HCFC1: variants seen among roughly 807,000 people sequenced by gnomAD.
HCFC1 encodes the protein host cell factor C1.
In HCFC1, 7 loss-of-function variants were observed where a neutral mutation model predicts 105.5. That is an observed-to-expected ratio of 0.07 (90% CI 0.04 to 0.12). HCFC1 has a LOEUF of 0.12. Ranked by LOEUF, HCFC1 falls within the 10% of genes least tolerant of loss-of-function variation. The probability of loss-of-function intolerance (pLI) is 1.00; values close to 1 mark genes in which losing one functional copy is unlikely to be tolerated. For synonymous variants in HCFC1, 918 were observed against 828.1 expected (o/e 1.11, Z -1.86); for missense variants, 1,065 against 1,823.6 (o/e 0.58, Z 7.58).
At chrX:153,961,010 C>T (rs782624102) in intron 6 of HCFC1, among the ~76,000 whole-genome samples, 9 of 112,283 alleles carry the variant, frequency 8.0e-5, no homozygotes, top group Non-Finnish European at 1.7e-4. Flanking sequence ...CACTTGCACA[C>T]GGGTGGAGAT....
Position 153,958,022 on chromosome X carries a change from C to A in HCFC1, c.2028+3G>T. 1 of 1,204,741 alleles carries A rather than the reference C, an allele frequency of 8.3e-7. No homozygotes were observed. Among genetic ancestry groups the A allele is most frequent in the Non-Finnish European group, 1.1e-6 (1 of 889,081 alleles). On this transcript the variant is annotated splice_donor_region_variant and intron_variant, in intron 11 of 25. Transcript: ENST00000310441. ...CCGTAGCCTGGCAGCACCCATCACT[C>A]ACCAGAGCACTGCCTCCTGGGACAG...
At chrX:153,965,937 A>C (rs1371397648) in intron 1 of HCFC1, among the ~76,000 whole-genome samples, 1 of 112,260 alleles carries the variant, frequency 8.9e-6, no homozygotes, top group African/African-American at 3.2e-5. Context: ...GGTCCCACCC[A>C]GTCTCACACT....
chrX:153,949,526 G>T lies in HCFC1; in HGVS notation c.6068+27C>A, dbSNP rs1261571947. On this transcript the variant is annotated intron_variant, in intron 25 of 25. Coordinates refer to ENST00000310441, the MANE Select transcript of HCFC1 (RefSeq NM_005334.3). ...GCTATTTCCACCCCTAGTCTCAGAAGGTTCCCGAGAGGGGCTTCCTGCTTA... is the reference window on the plus strand; with the variant it reads ...GCTATTTCCACCCCTAGTCTCAGAATGTTCCCGAGAGGGGCTTCCTGCTTA... 4.2e-6 allele frequency: 5 copies of T among 1,201,142 alleles called. No homozygotes were observed. In the South Asian group the frequency reaches 7.0e-5, roughly 17 times the overall value.
chrX:153,967,226 T>C (rs1408201719), intron 1 of HCFC1, among the ~76,000 whole-genome samples: 3 of 112,094 alleles, frequency 2.7e-5, no homozygotes, highest in Non-Finnish European at 5.6e-5. Context: ...GGGGGTGTCA[T>C]GTAACCCAAT....
In HCFC1 at chrX:153,970,914, C is replaced by G. The variant is rs1557119979; in HGVS notation, c.-74G>C. 4 of 904,776 alleles carry G rather than the reference C, an allele frequency of 4.4e-6. No homozygotes were observed. Among genetic ancestry groups the G allele is most frequent in the Non-Finnish European group, 6.0e-6 (4 of 665,473 alleles). 74.6% of individuals were successfully genotyped at this position (904,776 alleles called of 1,213,427 possible). ...GCCCCTCAATTCCTTTCACACACCCCCTTTCGTCTAAGGCAGCTCTCACGG... is the reference window on the plus strand; with the variant it reads ...GCCCCTCAATTCCTTTCACACACCCGCTTTCGTCTAAGGCAGCTCTCACGG... On this transcript the variant is annotated 5_prime_UTR_variant, in exon 1 of 26. Transcript: ENST00000310441.
At chrX:153,953,516 T>C (rs999393928) in intron 18 of HCFC1, 91 bp downstream of exon 18, 28 of 959,466 alleles carry the variant, frequency 2.9e-5, no homozygotes, top group Non-Finnish European at 4.0e-5. Context: ...GCCCCATGCC[T>C]GGTACAAGAG....
chrX:153,967,203 C>T (rs3027894), intron 1 of HCFC1, among the ~76,000 whole-genome samples: 36 of 112,213 alleles, frequency 3.2e-4, no homozygotes, highest in African/African-American at 1.0e-3. Flanking sequence ...CTCAGTCACC[C>T]CTGAATCATC....
intron 1 of HCFC1, among the ~76,000 whole-genome samples, chrX:153,965,875 C>A (rs2065469963): frequency 8.9e-6 from 1 of 112,132 alleles, no homozygotes. Context: ...CAGGTGTGCA[C>A]CCAGGGCCAG....
intron 19 of HCFC1, 30 bp downstream of exon 19, chrX:153,952,484 C>T (rs781891300): frequency 2.7e-6 from 3 of 1,127,727 alleles, no homozygotes; most frequent in South Asian, 2.1e-5. Context: ...CCGAGCGGCC[C>T]GGCTTCCCCA....
At position 153,949,068 on chromosome X, in the gene HCFC1, CAA is replaced by C. The variant is rs1185704733; in HGVS notation, c.*277_*278del. On this transcript the variant is annotated 3_prime_UTR_variant, in exon 26 of 26. Transcript: ENST00000310441. ...TCCTCAGCTCCGCCTTCCCTCCCCG[CAA>C]AAGTCTCTCCCCAGGGTGGGCGGCA... 4 of 255,228 alleles carry C rather than the reference CAA, an allele frequency of 1.6e-5. No homozygotes were observed. Among genetic ancestry groups the C allele is most frequent in the Non-Finnish European group, 2.8e-5 (4 of 144,763 alleles). 21.0% of individuals were successfully genotyped at this position (255,228 alleles called of 1,213,427 possible). A position where few individuals can be genotyped will look rare whatever the true frequency, so the allele number is the denominator to read the frequency against.
chrX:153,971,543 G>C lies in HCFC1; in HGVS notation c.-703C>G, dbSNP rs1168289090. 1 of 293,602 alleles carries C rather than the reference G, an allele frequency of 3.4e-6. No homozygotes were observed. The highest frequency in any genetic ancestry group is 5.9e-6 in the Non-Finnish European group (1 of 168,303). 24.2% of individuals were successfully genotyped at this position (293,602 alleles called of 1,213,427 possible). A position where few individuals can be genotyped will look rare whatever the true frequency, so the allele number is the denominator to read the frequency against. ...GTGAAGTCTCGCGCCTCTCCCCTTA[G>C]TCCGCCTCTGCTGCTCAGGCTGCGC... On this transcript the variant is annotated 5_prime_UTR_variant, in exon 1 of 26. Transcript: ENST00000310441.
Position 153,952,906 on chromosome X carries a change from CGTGGCGGCAGCTGCT to C in HCFC1, c.4535_4549del (p.Gln1512_Pro1516del), listed in dbSNP as rs1439436767. On this transcript the variant is annotated inframe_deletion, in exon 19 of 26. Transcript: ENST00000310441. Reference sequence around the variant, plus strand: ...TGTGGAAGCCGACTGCAGAAGCTGCCGTGGCGGCAGCTGCTGGCGAGGACCTGGCGACACCTGGAG... The same window carrying C: ...TGTGGAAGCCGACTGCAGAAGCTGCCGGCGAGGACCTGGCGACACCTGGAG... 1.1e-5 allele frequency: 13 copies of C among 1,179,899 alleles called. No homozygotes were observed. The highest frequency in any genetic ancestry group is 1.9e-5 in the South Asian group (1 of 53,917).
At chrX:153,962,013 C>T (rs1489338105) in intron 5 of HCFC1, among the ~76,000 whole-genome samples, 1 of 111,666 alleles carries the variant, frequency 9.0e-6, no homozygotes, top group African/African-American at 3.3e-5. Flanking sequence ...GTCTCAGACT[C>T]AGCTTGTGTG....
intron 1 of HCFC1, among the ~76,000 whole-genome samples, chrX:153,969,600 A>AGCCACCAAGAAAAAGGAT (rs782394650): frequency 5.3e-4 from 60 of 112,935 alleles, no homozygotes; most frequent in Admixed American, 1.1e-3. Flanking sequence ...CGGGCCAAGT[A>AGCCACCAAGAAAAAGGAT]GCCACCAAGA....
chrX:153,947,601 G>A lies in HCFC1; in HGVS notation c.*1746C>T, dbSNP rs2065267342. 8.9e-6 allele frequency: 1 copy of A among 112,035 alleles called. No individual in the cohort carries two copies. The highest frequency in any genetic ancestry group is 1.9e-5 in the Non-Finnish European group (1 of 53,097). 9.2% of individuals were successfully genotyped at this position (112,035 alleles called of 1,213,427 possible). On this transcript the variant is annotated 3_prime_UTR_variant, in exon 26 of 26. Coordinates refer to ENST00000310441, the MANE Select transcript of HCFC1 (RefSeq NM_005334.3). ...TTAATTGTTCAAAATAGCACAAAACGACATCGCACTATGGTAATATTGAGT... is the reference window on the plus strand; with the variant it reads ...TTAATTGTTCAAAATAGCACAAAACAACATCGCACTATGGTAATATTGAGT...
In HCFC1 at chrX:153,963,445, A is replaced by T; in HGVS notation, c.504-12T>A. ...AGTCATTCAGGTACCTGACGAGGAA[A>T]GATCAGTTACGGCAAGTCTCGACTC... On this transcript the variant is annotated splice_polypyrimidine_tract_variant and intron_variant, in intron 3 of 25. Transcript: ENST00000310441. The T allele has an allele frequency of 8.5e-7, 1 of 1,173,817 alleles. No homozygotes were observed. Among genetic ancestry groups the T allele is most frequent in the Non-Finnish European group, 1.2e-6 (1 of 861,918 alleles).
Position 153,952,631 on chromosome X carries a change from G to A in HCFC1, c.4825C>T (p.Pro1609Ser). 1 of 1,211,237 alleles carries A rather than the reference G, an allele frequency of 8.3e-7. No homozygotes were observed. The highest frequency in any genetic ancestry group is 1.1e-6 in the Non-Finnish European group (1 of 895,214). ...TTTLMVTGLT[P>S]EELAVTAAAE... is the part of the protein sequence containing the mutation. ...GCAGCCGTCACTGCCAGCTCCTCGGGGGTGAGCCCCGTTACCATGAGGGTG... is the reference window on the plus strand; with the variant it reads ...GCAGCCGTCACTGCCAGCTCCTCGGAGGTGAGCCCCGTTACCATGAGGGTG... The change falls in exon 19 of 26, where the codon CCC (proline) becomes TCC (serine). Residue 1609 changes from proline (P) to serine (S), a missense_variant. Coordinates refer to ENST00000310441, the MANE Select transcript of HCFC1 (RefSeq NM_005334.3).
Position 153,951,914 on chromosome X carries a change from C to T in HCFC1, c.5187G>A (p.Glu1729=), listed in dbSNP as rs782208692. The T allele has an allele frequency of 8.4e-7, 1 of 1,190,697 alleles. No individual in the cohort carries two copies. Among genetic ancestry groups the T allele is most frequent in the Non-Finnish European group, 1.1e-6 (1 of 883,452 alleles). ...PADSLNDPAI[E]SNCLNELAGT... ...CGGCCAGCTCATTGAGGCAATTGCTCTCAATGGCTGGGTCGTTGAGACTGT... is the reference window on the plus strand; with the variant it reads ...CGGCCAGCTCATTGAGGCAATTGCTTTCAATGGCTGGGTCGTTGAGACTGT... The change falls in exon 20 of 26, where the codon GAG becomes GAA. Residue 1729 remains glutamate, a synonymous_variant. Coordinates refer to ENST00000310441, the MANE Select transcript of HCFC1 (RefSeq NM_005334.3).
chrX:153,956,744 G>A lies in HCFC1; in HGVS notation c.2516C>T (p.Pro839Leu). 1 of 1,210,805 alleles carries A rather than the reference G, an allele frequency of 8.3e-7. No individual in the cohort carries two copies. Residue 839 changes from proline to leucine, a missense_variant, in exon 15 of 26, where the codon CCG (proline) becomes CTG (leucine). Physicochemically the swap from Pro to Leu is moderately conservative, Grantham distance 98. Coordinates refer to ENST00000310441, the MANE Select transcript of HCFC1 (RefSeq NM_005334.3). Reference protein sequence around the residue: ...GVTQVVLKGAPGQPGTILRTV... With the variant: ...GVTQVVLKGALGQPGTILRTV... Reference sequence around the variant, plus strand: ...GCGGAGGATGGTGCCTGGCTGTCCCGGGGCCCCCTTAAGCACCACCTGGAA... The same window carrying A: ...GCGGAGGATGGTGCCTGGCTGTCCCAGGGCCCCCTTAAGCACCACCTGGAA...
Sources: gnomAD v4.1 joint callset for allele counts (sites outside exome capture counted in the v4.1 genomes callset) on GRCh38, gnomAD v4.1.1 for gene constraint, MANE v1.5 for transcripts, NCBI Gene and HGNC (gene_info 2026-07-23, HGNC 2026-07-21) for gene names.